Variants in ZNF254 observed in about 807,000 individuals in gnomAD.
ZNF254 encodes the protein zinc finger protein 254.
Under a neutral mutation model 12.4 loss-of-function variants are expected in ZNF254, and 10 were observed. The observed-to-expected ratio is 0.80, with a 90% confidence interval of 0.50 to 1.36. The LOEUF is 1.36. Among genes scored for constraint, ZNF254 ranks in the 40% most tolerant of loss-of-function variants. The pLI is 0.00. For synonymous variants in ZNF254, 305 were observed against 253.4 expected (o/e 1.20, Z -1.93); for missense variants, 996 against 763.9 (o/e 1.30, Z -3.58).
At chr19:24,074,350 T>C (rs530496158) in intron 2 of ZNF254, among the ~76,000 whole-genome samples, 30 of 152,352 alleles carry the variant, frequency 2.0e-4, no homozygotes, top group Non-Finnish European at 4.3e-4. Context: ...GACATACTGC[T>C]GGGCTAAACA....
chr19:24,114,603 C>A (rs368028551), intron 3 of ZNF254, among the ~76,000 whole-genome samples: 5 of 124,774 alleles, frequency 4.0e-5, no homozygotes, highest in Non-Finnish European at 8.1e-5. Context: ...ATTACCATTC[C>A]GGACATAGGC....
intron 2 of ZNF254, 87 bp from the exon 3 acceptor site, chr19:24,106,461 C>A: frequency 9.7e-7 from 1 of 1,028,450 alleles, no homozygotes; most frequent in Non-Finnish European, 1.4e-6. Flanking sequence ...TTAGCATATT[C>A]TATTATATCC....
chr19:24,116,645 C>T (rs1188365942), intron 3 of ZNF254, among the ~76,000 whole-genome samples: 1 of 149,682 alleles, frequency 6.7e-6, no homozygotes, highest in Non-Finnish European at 1.5e-5. Flanking sequence ...GTTTGAATTT[C>T]CTCCTGTAGC....
intron 2 of ZNF254, among the ~76,000 whole-genome samples, chr19:24,075,619 A>C (rs1167056586): frequency 6.6e-6 from 1 of 152,194 alleles, no homozygotes; most frequent in Admixed American, 6.5e-5. Context: ...CAAGATCACA[A>C]GGCCAGGGTG....
In ZNF254 at chr19:24,063,311, C is replaced by T. The variant is rs531214956; in HGVS notation, c.-94+17032C>T. On this transcript the variant is annotated intron_variant, in intron 2 of 4. Transcript: ENST00000613065. ...TTAGCCCAGCATCTGAGTTATTTGT[C>T]TTTTCCTGGGACCAGTCCACAGTGC... Among the ~76,000 whole-genome samples, 5 of 152,288 alleles carry T rather than the reference C, an allele frequency of 3.3e-5. No individual in the cohort carries two copies. In the South Asian group the frequency reaches 1.0e-3, roughly 32 times the overall value.
chr19:24,033,686 T>G lies in ZNF254; in HGVS notation c.-190+65T>G, dbSNP rs528269492. ...GGCTGTGAAACCGGCGGGACTGCCT[T>G]CGTCACCGCTCCCGGGTTTCCGACC... On this transcript the variant is annotated intron_variant, in intron 1 of 4. Transcript: ENST00000613065. 8 of 303,962 alleles carry G rather than the reference T, an allele frequency of 2.6e-5. No individual in the cohort carries two copies. The East Asian group carries it at 9.0e-4, about 34-fold the overall frequency. 18.8% of individuals were successfully genotyped at this position (303,962 alleles called of 1,614,324 possible).
chr19:24,126,615 T>G lies in ZNF254; in HGVS notation c.615T>G (p.His205Gln). 6.2e-7 allele frequency: 1 copy of G among 1,607,940 alleles called. No individual in the cohort carries two copies. Among genetic ancestry groups the G allele is most frequent in the Non-Finnish European group, 8.5e-7 (1 of 1,178,432 alleles). The change falls in exon 4 of 4, where the codon CAT (histidine) becomes CAG (glutamine). Residue 205 changes from histidine (H) to glutamine (Q), a missense_variant. By Grantham distance (24) the His-to-Gln change is conservative. Transcript: ENST00000357002. ...AAACCCAACACAAAAGCATTTATCA[T>G]AGAGAGAAGTCCTACAAATGTAAAG... is the stretch of plus-strand genomic sequence containing the variant. The part of the protein sequence containing the change: ...SHKTQHKSIY[H>Q]REKSYKCKEC...
chr19:24,106,477 A>G, intron 2 of ZNF254, 71 bp from the exon 3 acceptor site: 1 of 1,234,498 alleles, frequency 8.1e-7, no homozygotes, highest in Non-Finnish European at 1.1e-6. Context: ...TATCCTCCTT[A>G]CTGAGCACAT....
chr19:24,062,044 C>T (rs372047704), intron 2 of ZNF254, among the ~76,000 whole-genome samples: 5 of 145,146 alleles, frequency 3.4e-5, no homozygotes, highest in Admixed American at 1.4e-4. Flanking sequence ...GAGATCACAC[C>T]GTTGCACTCC....
At chr19:24,082,876 A>C (rs1361563319), upstream of ZNF254, among the ~76,000 whole-genome samples, 1 of 151,930 alleles carries the variant, frequency 6.6e-6, no homozygotes, top group African/African-American at 2.4e-5. Context: ...AACAGGAAAA[A>C]GTTGGAAACA....
At chr19:24,074,346 C>T (rs980608896) in intron 2 of ZNF254, among the ~76,000 whole-genome samples, 1 of 152,218 alleles carries the variant, frequency 6.6e-6, no homozygotes, top group Non-Finnish European at 1.5e-5. Flanking sequence ...TTGTGACATA[C>T]TGCTGGGCTA....
chr19:24,035,847 C>T (rs1342064344), intron 1 of ZNF254, among the ~76,000 whole-genome samples: 3 of 152,132 alleles, frequency 2.0e-5, no homozygotes, highest in African/African-American at 7.2e-5. Context: ...TCTGTGGCTT[C>T]ATAATATCAA....
intron 3 of ZNF254, chr19:24,107,197 A>G: frequency 1.6e-6 from 1 of 643,642 alleles, no homozygotes; most frequent in Non-Finnish European, 2.8e-6. Context: ...AGTTTATTGT[A>G]GTTTCATGTC....
intron 2 of ZNF254, among the ~76,000 whole-genome samples, chr19:24,071,097 A>C (rs923086228): frequency 1.3e-5 from 2 of 152,122 alleles, no homozygotes; most frequent in African/African-American, 2.4e-5. Context: ...CAGAAAGAAG[A>C]AGCTCCCCTA....
intron 3 of ZNF254, among the ~76,000 whole-genome samples, chr19:24,116,567 C>G (rs569472341): frequency 2.0e-5 from 3 of 152,128 alleles, no homozygotes; most frequent in South Asian, 4.1e-4. Context: ...AAGCACTTCT[C>G]TATATTGGTT....
intron 1 of ZNF254, among the ~76,000 whole-genome samples, chr19:24,044,347 G>A (rs1257453858): frequency 6.6e-6 from 1 of 151,848 alleles, no homozygotes; most frequent in Non-Finnish European, 1.5e-5. Context: ...GACCATCCTG[G>A]CTAACATGGT....
chr19:24,036,760 T>G lies in ZNF254; in HGVS notation c.-190+3139T>G, dbSNP rs149134606. On this transcript the variant is annotated intron_variant, in intron 1 of 4. Coordinates refer to the ZNF254 transcript ENST00000613065. ...TGTGATTCCAGATCTCTTCCCAGGG[T>G]GAAAGGGGACTGAGGGCTTGGAAGA... Among the ~76,000 whole-genome samples, 273 of 152,062 alleles carry G rather than the reference T, an allele frequency of 1.8e-3. 2 individuals carry two copies. In the East Asian group the frequency reaches 0.035, roughly 20 times the overall value.
At chr19:24,090,764 A>G (rs1384155987) in intron 1 of ZNF254, among the ~76,000 whole-genome samples, 1 of 152,072 alleles carries the variant, frequency 6.6e-6, no homozygotes, top group Non-Finnish European at 1.5e-5. Context: ...TGTGTATTGC[A>G]TTTTATTAGT....
At chr19:24,083,834 T>A (rs1971934070), upstream of ZNF254, among the ~76,000 whole-genome samples, 1 of 152,066 alleles carries the variant, frequency 6.6e-6, no homozygotes, top group Non-Finnish European at 1.5e-5. Flanking sequence ...ACATCAAAAA[T>A]AATGCATGTT....
Sources: allele counts gnomAD v4.1 joint callset (sites outside exome capture counted in the v4.1 genomes callset), GRCh38; gene constraint gnomAD v4.1.1; transcripts MANE v1.5; gene names NCBI Gene and HGNC (gene_info 2026-07-23, HGNC 2026-07-21).